PDZRN4: variants seen among roughly 807,000 people sequenced by gnomAD.
The protein encoded by PDZRN4 is PDZ domain containing ring finger 4.
Under a neutral mutation model 99.0 loss-of-function variants are expected in PDZRN4, and 70 were observed. The observed-to-expected ratio is 0.71, with a 90% CI of 0.58 to 0.86. The LOEUF is 0.86. Among genes scored for constraint, PDZRN4 ranks in the 40% least tolerant of loss-of-function variants. PDZRN4 has a pLI of 0.00. For synonymous variants in PDZRN4, 551 were observed against 501.6 expected (o/e 1.10, Z -1.32); for missense variants, 1,474 against 1,331.2 (o/e 1.11, Z -1.67).
intron 3 of PDZRN4, among the ~76,000 whole-genome samples, chr12:41,378,945 CA>C (rs1952102277): frequency 6.6e-6 from 1 of 152,138 alleles, no homozygotes. Flanking sequence ...AATTATTTGG[CA>C]AAGTTCACAT....
chr12:41,209,648 C>T (rs1457662840), intron 3 of PDZRN4, among the ~76,000 whole-genome samples: 1 of 151,206 alleles, frequency 6.6e-6, no homozygotes, highest in African/African-American at 2.4e-5. Context: ...TTTCCAGCTT[C>T]ATCCATGTCC....
intron 3 of PDZRN4, among the ~76,000 whole-genome samples, chr12:41,372,356 T>C (rs1390899662): frequency 1.3e-5 from 2 of 152,152 alleles, no homozygotes; most frequent in African/African-American, 2.4e-5. Flanking sequence ...AAAATGATAG[T>C]CTGGAAAAGC....
At chr12:41,378,802 C>T (rs1025771865) in intron 3 of PDZRN4, among the ~76,000 whole-genome samples, 4 of 152,062 alleles carry the variant, frequency 2.6e-5, no homozygotes, top group Admixed American at 6.6e-5. Flanking sequence ...GGATTACAGG[C>T]GTGAGCCACA....
chr12:41,545,604 A>T (rs1349758249), intron 5 of PDZRN4, among the ~76,000 whole-genome samples: 1 of 151,942 alleles, frequency 6.6e-6, no homozygotes, highest in Non-Finnish European at 1.5e-5. Context: ...ACAGGATAAG[A>T]AGGAATAATT....
chr12:41,410,921 C>T (rs118051081), intron 3 of PDZRN4, among the ~76,000 whole-genome samples: 2,018 of 152,140 alleles, frequency 0.013, 19 homozygotes, highest in Non-Finnish European at 0.023. Context: ...GTCACTCAGG[C>T]TGGATGGAGT....
intron 3 of PDZRN4, among the ~76,000 whole-genome samples, chr12:41,486,425 G>A (rs1034816484): frequency 2.6e-5 from 4 of 152,076 alleles, no homozygotes; most frequent in African/African-American, 4.8e-5. Context: ...CAAAAAATAG[G>A]CGAAGTAATA....
At chr12:41,209,414 T>C (rs992602663) in intron 3 of PDZRN4, among the ~76,000 whole-genome samples, 2 of 152,034 alleles carry the variant, frequency 1.3e-5, no homozygotes, top group Non-Finnish European at 2.9e-5. Flanking sequence ...GTTACATATG[T>C]ATACATGTGG....
At chr12:41,536,684 T>C (rs987096661) in intron 5 of PDZRN4, among the ~76,000 whole-genome samples, 1 of 150,800 alleles carries the variant, frequency 6.6e-6, no homozygotes, top group Non-Finnish European at 1.5e-5. Flanking sequence ...GAAAGAAGGA[T>C]GGAAAATCTC....
chr12:41,255,049 TAAAGA>T (rs1428945586), intron 3 of PDZRN4, among the ~76,000 whole-genome samples: 2 of 151,932 alleles, frequency 1.3e-5, no homozygotes, highest in African/African-American at 2.4e-5. Context: ...CCCTCCAGCA[TAAAGA>T]AAAGAAAAGA....
intron 5 of PDZRN4, among the ~76,000 whole-genome samples, chr12:41,549,953 TCA>T (rs920575156): frequency 7.2e-5 from 11 of 152,198 alleles, no homozygotes; most frequent in African/African-American, 2.4e-4. Context: ...GAGACCTGTT[TCA>T]CAGTTTTGGT....
chr12:41,487,695 C>T (rs1249052760), intron 3 of PDZRN4, among the ~76,000 whole-genome samples: 3 of 152,030 alleles, frequency 2.0e-5, no homozygotes, highest in Non-Finnish European at 2.9e-5. Context: ...TATCTGAAGC[C>T]CTGATATCTA....
Position 41,451,657 on chromosome 12 carries a change from T to C in PDZRN4, c.844-54799T>C, listed in dbSNP as rs536065080. Among the ~76,000 whole-genome samples, 3 of 152,336 alleles carry C rather than the reference T, an allele frequency of 2.0e-5. No individual in the cohort carries two copies. In the East Asian group the frequency reaches 5.8e-4, roughly 29 times the overall value. Reference sequence around the variant, plus strand: ...TATATAATTGCCTTCTCGCAATTTCTAAGATCATCTCATTGATTAAATGAT... The same window carrying C: ...TATATAATTGCCTTCTCGCAATTTCCAAGATCATCTCATTGATTAAATGAT... On this transcript the variant is annotated intron_variant, in intron 3 of 9. Coordinates refer to ENST00000402685, the MANE Select transcript of PDZRN4 (RefSeq NM_001164595.2).
rs1437769261 is a variant in PDZRN4 at position 41,574,576 on chromosome 12, C to A, written c.*686C>A. The A allele has an allele frequency of 6.6e-6, 1 of 152,598 alleles. No homozygotes were observed. Among genetic ancestry groups the A allele is most frequent in the African/African-American group, 2.4e-5 (1 of 41,440 alleles). 9.5% of individuals were successfully genotyped at this position (152,598 alleles called of 1,614,324 possible). A position where few individuals can be genotyped will look rare whatever the true frequency, so the allele number is the denominator to read the frequency against. Reference sequence around the variant, plus strand: ...TAAAGAGAAATAAATTATTGATTATCCTTCAGAAAAATTATCAAGGAGTGT... The same window carrying A: ...TAAAGAGAAATAAATTATTGATTATACTTCAGAAAAATTATCAAGGAGTGT... On this transcript the variant is annotated 3_prime_UTR_variant, in exon 10 of 10. Transcript: ENST00000402685.
intron 3 of PDZRN4, among the ~76,000 whole-genome samples, chr12:41,276,712 T>C (rs935369515): frequency 6.6e-6 from 1 of 152,170 alleles, no homozygotes; most frequent in Non-Finnish European, 1.5e-5. Flanking sequence ...CCTAATACAC[T>C]GGGAATAGAA....
At chr12:41,313,735 G>T (rs781597621) in intron 3 of PDZRN4, among the ~76,000 whole-genome samples, 2 of 152,188 alleles carry the variant, frequency 1.3e-5, no homozygotes, top group African/African-American at 4.8e-5. Flanking sequence ...AATAGACCAG[G>T]TACAAGTCAG....
chr12:41,515,560 T>A lies in PDZRN4; in HGVS notation c.1203+5647T>A, dbSNP rs554648804. Among the ~76,000 whole-genome samples, 5 of 152,192 alleles carry A rather than the reference T, an allele frequency of 3.3e-5. No individual in the cohort carries two copies. The East Asian group carries it at 9.7e-4, about 30-fold the overall frequency. ...AAGATAAGATGGTATTCTGTCAGTC[T>A]GGAGTTGGTTCACTGAGGAGCCTAT... On this transcript the variant is annotated intron_variant, in intron 5 of 9. Transcript: ENST00000402685.
intron 6 of PDZRN4, among the ~76,000 whole-genome samples, chr12:41,555,163 G>A (rs1175962134): frequency 8.2e-5 from 12 of 147,210 alleles, no homozygotes; most frequent in East Asian, 2.0e-4. Context: ...CCCGAGAGGC[G>A]GAGCTTGCAG....
At chr12:41,326,880 G>A (rs1371983528) in intron 3 of PDZRN4, among the ~76,000 whole-genome samples, 3 of 152,192 alleles carry the variant, frequency 2.0e-5, no homozygotes, top group Admixed American at 6.5e-5. Context: ...AGGTTATCCC[G>A]GTGTTAATAA....
intron 3 of PDZRN4, among the ~76,000 whole-genome samples, chr12:41,487,288 A>G (rs1937796397): frequency 6.6e-6 from 1 of 152,014 alleles, no homozygotes; most frequent in Non-Finnish European, 1.5e-5. Flanking sequence ...AACGGAAGGG[A>G]AAAAAGGAGG....
Sources: gnomAD v4.1 joint callset for allele counts (sites outside exome capture counted in the v4.1 genomes callset) on GRCh38, gnomAD v4.1.1 for gene constraint, MANE v1.5 for transcripts, NCBI Gene and HGNC (gene_info 2026-07-23, HGNC 2026-07-21) for gene names.